FRYL: variants seen among roughly 807,000 people sequenced by gnomAD.
FRYL encodes protein furry homolog-like.
A neutral mutation model predicts 351.2 loss-of-function variants in FRYL; 150 were observed. The ratio of observed to expected loss-of-function variants is 0.43; its 90% CI spans 0.37 to 0.49. The LOEUF (loss-of-function observed/expected upper bound fraction) is 0.49, where lower values mean the gene tolerates loss of function less well. Ranked by LOEUF, FRYL falls within the 20% of genes least tolerant of loss-of-function variation. FRYL has a pLI of 0.00. For synonymous variants in FRYL, 1,153 were observed against 1,257.1 expected (o/e 0.92, Z 1.75); for missense variants, 3,036 against 3,619.3 (o/e 0.84, Z 4.13).
intron 45 of FRYL, among the ~76,000 whole-genome samples, chr4:48,541,671 A>G (rs1487529263): frequency 6.6e-6 from 1 of 152,124 alleles, no homozygotes; most frequent in Non-Finnish European, 1.5e-5. Context: ...AAGGTAGAAA[A>G]AGTGGGGAGA....
intron 5 of FRYL, 83 bp from the exon 6 acceptor site, chr4:48,620,861 A>C: frequency 8.1e-7 from 1 of 1,232,016 alleles, no homozygotes; most frequent in Non-Finnish European, 1.2e-6. Context: ...ATCATTTAGA[A>C]ATGAATAAAC....
intron 4 of FRYL, 119 bp from the exon 5 acceptor site, chr4:48,623,298 G>A: frequency 3.4e-6 from 2 of 590,392 alleles, no homozygotes; most frequent in South Asian, 5.2e-5. Context: ...GTTTTCACTT[G>A]TTACTAGATT....
chr4:48,575,994 A>G, intron 24 of FRYL, 36 bp downstream of exon 24: 1 of 1,440,652 alleles, frequency 6.9e-7, no homozygotes, highest in Non-Finnish European at 9.2e-7. Context: ...GGCCATTCAG[A>G]TTTCATATAT....
chr4:48,765,440 T>G (rs1406260126), intron 1 of FRYL, among the ~76,000 whole-genome samples: 1 of 152,178 alleles, frequency 6.6e-6, no homozygotes, highest in Admixed American at 6.5e-5. Flanking sequence ...GAAAACTGGA[T>G]AGTCACATGC....
chr4:48,692,129 T>G (rs760904823), intron 2 of FRYL, among the ~76,000 whole-genome samples: 3 of 152,204 alleles, frequency 2.0e-5, no homozygotes, highest in Non-Finnish European at 2.9e-5. Context: ...GCCATATTCA[T>G]GCAGGGAGGC....
In FRYL at chr4:48,575,295, A is replaced by G. The variant is rs1287653118; in HGVS notation, c.2722-54T>C. 10 of 1,549,174 alleles carry G rather than the reference A, an allele frequency of 6.5e-6. No homozygotes were observed. The Admixed American group carries it at 1.7e-4, about 26-fold the overall frequency. On this transcript the variant is annotated intron_variant, in intron 24 of 63. Transcript: ENST00000358350. ...GCCACTAATGATACTATGTCCAATTAGATAATCTGAGATTTCAGTAGTCTT... is the reference window on the plus strand; with the variant it reads ...GCCACTAATGATACTATGTCCAATTGGATAATCTGAGATTTCAGTAGTCTT...
rs397993308 is a variant in FRYL, at chr4:48,778,333, TA to T, written c.-384+1744del. Among the ~76,000 whole-genome samples, 551 of 143,798 alleles carry T rather than the reference TA, an allele frequency of 3.8e-3. 2 individuals are homozygous for T. The highest frequency in any genetic ancestry group is 0.012 in the African/African-American group (464 of 39,184). The allele number at this position is 143,798 out of a possible 152,430, so 94.3% of individuals were successfully genotyped here. A position where few individuals can be genotyped will look rare whatever the true frequency, so the allele number is the denominator to read the frequency against. ...GCTTTAAAAAGTTGGACTGCTTTAA[TA>T]AAAAAAAAAAAAACTGGGTCACATG... On this transcript the variant is annotated intron_variant, in intron 1 of 63. Transcript: ENST00000358350.
chr4:48,699,779 A>C (rs1366747492), intron 2 of FRYL, among the ~76,000 whole-genome samples: 1 of 133,386 alleles, frequency 7.5e-6, no homozygotes, highest in Non-Finnish European at 1.7e-5. Flanking sequence ...TTTTGAGAGA[A>C]TATTTGGCCC....
At chr4:48,618,823 T>C (rs1750084538) in intron 7 of FRYL, 1 of 153,242 alleles carries the variant, frequency 6.5e-6, no homozygotes, top group Admixed American at 6.5e-5. Context: ...TGAAGTATTC[T>C]CACTTGACTG....
At chr4:48,742,159 T>C (rs1772157659) in intron 1 of FRYL, among the ~76,000 whole-genome samples, 1 of 152,248 alleles carries the variant, frequency 6.6e-6, no homozygotes, top group African/African-American at 2.4e-5. Flanking sequence ...TCAATTTTGC[T>C]GTGAACCTGA....
chr4:48,543,426 T>C (rs1005860065), intron 44 of FRYL, among the ~76,000 whole-genome samples: 1 of 152,214 alleles, frequency 6.6e-6, no homozygotes, highest in African/African-American at 2.4e-5. Context: ...AAGTCATTCA[T>C]CTGTACAAAC....
intron 9 of FRYL, among the ~76,000 whole-genome samples, chr4:48,607,067 T>C (rs562817688): frequency 1.3e-5 from 2 of 152,308 alleles, no homozygotes; most frequent in East Asian, 3.9e-4. Flanking sequence ...AATTATCACT[T>C]AAAATCAATA....
intron 3 of FRYL, among the ~76,000 whole-genome samples, chr4:48,648,129 A>T (rs1005342406): frequency 2.0e-5 from 3 of 152,106 alleles, no homozygotes; most frequent in African/African-American, 7.2e-5. Flanking sequence ...AATAAATAAC[A>T]TTTCTTCCAT....
At chr4:48,764,823 C>T (rs1774785810) in intron 1 of FRYL, among the ~76,000 whole-genome samples, 1 of 152,180 alleles carries the variant, frequency 6.6e-6, no homozygotes, top group Non-Finnish European at 1.5e-5. Flanking sequence ...ATTCCAACGG[C>T]ATTTTTCACA....
At chr4:48,719,039 G>A (rs1031922140) in intron 1 of FRYL, among the ~76,000 whole-genome samples, 6 of 151,410 alleles carry the variant, frequency 4.0e-5, no homozygotes, top group Non-Finnish European at 5.9e-5. Context: ...ACTGATCTTT[G>A]GCCTCCCCTC....
intron 1 of FRYL, among the ~76,000 whole-genome samples, chr4:48,732,589 T>C (rs1578863123): frequency 6.6e-6 from 1 of 152,132 alleles, no homozygotes; most frequent in South Asian, 2.1e-4. Context: ...TGGAATACTC[T>C]GCAGCCATAA....
At chr4:48,709,611 T>G (rs1378507914) in intron 2 of FRYL, among the ~76,000 whole-genome samples, 1 of 152,154 alleles carries the variant, frequency 6.6e-6, no homozygotes, top group Non-Finnish European at 1.5e-5. Context: ...ACCAAAAATC[T>G]ATCAATTTGT....
chr4:48,573,584 T>C (rs1165907037), intron 25 of FRYL, among the ~76,000 whole-genome samples: 2 of 152,270 alleles, frequency 1.3e-5, no homozygotes, highest in Middle Eastern at 3.4e-3. Flanking sequence ...AGTTTCGCTC[T>C]TGTTGCCCAG....
intron 7 of FRYL, among the ~76,000 whole-genome samples, chr4:48,613,466 C>A (rs534976020): frequency 6.6e-6 from 1 of 152,178 alleles, no homozygotes; most frequent in Non-Finnish European, 1.5e-5. Context: ...TGACAGCTAA[C>A]GACAACACTC....
Sources: gnomAD v4.1 joint callset for allele counts (sites outside exome capture counted in the v4.1 genomes callset) on GRCh38, gnomAD v4.1.1 for gene constraint, MANE v1.5 for transcripts, NCBI Gene and HGNC (gene_info 2026-07-23, HGNC 2026-07-21) for gene names.